KAZN: variants seen among roughly 807,000 people sequenced by gnomAD.
The protein encoded by KAZN is kazrin.
A neutral mutation model predicts 87.4 loss-of-function variants in KAZN; 40 were observed. The ratio of observed to expected loss-of-function variants is 0.46; its 90% CI spans 0.36 to 0.60. The LOEUF is 0.60. Among genes scored for constraint, KAZN ranks in the 20% least tolerant of loss-of-function variants. The pLI is 0.00. For synonymous variants in KAZN, 466 were observed against 458.3 expected, an observed-to-expected ratio of 1.02 and a Z score of -0.22; for missense variants, 898 against 1,073.9, an observed-to-expected ratio of 0.84 and a Z score of 2.29.
intron 2 of KAZN, among the ~76,000 whole-genome samples, chr1:14,300,084 G>T (rs1198717371): frequency 6.6e-6 from 1 of 152,038 alleles, no homozygotes; most frequent in East Asian, 1.9e-4. Context: ...ACGCAAAGGT[G>T]CTGTGGCAGG....
At chr1:15,004,333 G>A (rs976477069) in intron 2 of KAZN, among the ~76,000 whole-genome samples, 3 of 152,144 alleles carry the variant, frequency 2.0e-5, no homozygotes, top group African/African-American at 7.2e-5. Flanking sequence ...AGCTGAGGAC[G>A]CCCGCTGTGC....
rs150514159 is a variant in KAZN at position 14,042,240 on chromosome 1, C to A, written c.92-138195C>A. 8.9e-3 allele frequency among the ~76,000 whole-genome samples: 1,356 copies of A among 152,044 alleles called. 11 individuals are homozygous for A. Among genetic ancestry groups the A allele is most frequent in the Non-Finnish European group, 0.014 (951 of 67,992 alleles). On this transcript the variant is annotated intron_variant, in intron 1 of 16. Coordinates refer to the KAZN transcript ENST00000636203. ...ATAAATTTCTACTCCTTTTACAGAACCTGCTGCTCTTGATTCCAGAACCTT... is the reference window on the plus strand; with the variant it reads ...ATAAATTTCTACTCCTTTTACAGAAACTGCTGCTCTTGATTCCAGAACCTT...
chr1:14,146,296 A>T (rs1294161381), intron 1 of KAZN, among the ~76,000 whole-genome samples: 1 of 151,890 alleles, frequency 6.6e-6, no homozygotes, highest in Non-Finnish European at 1.5e-5. Context: ...GCACTTTGGG[A>T]GGCCGAGGCA....
At position 14,771,387 on chromosome 1, in the gene KAZN, T is replaced by C. The variant is rs548706153; in HGVS notation, c.226+172164T>C. On this transcript the variant is annotated intron_variant, in intron 1 of 14. Transcript: ENST00000376030. ...GCTAATATTTCTAAGATGACAAAAA[T>C]ATTTAATGTGGTGGAGGATGGAAAA... Among the ~76,000 whole-genome samples, 5 of 152,146 alleles carry C rather than the reference T, an allele frequency of 3.3e-5. No individual in the cohort carries two copies. The East Asian group carries it at 5.8e-4, about 18-fold the overall frequency.
chr1:14,988,975 C>T (rs1056452247), intron 2 of KAZN, among the ~76,000 whole-genome samples: 8 of 152,192 alleles, frequency 5.3e-5, no homozygotes, highest in Admixed American at 4.6e-4. Flanking sequence ...GTTTGTCCCT[C>T]GTTGTGCCAC....
intron 2 of KAZN, among the ~76,000 whole-genome samples, chr1:14,378,249 T>C (rs1661073256): frequency 6.6e-6 from 1 of 152,192 alleles, no homozygotes; most frequent in African/African-American, 2.4e-5. Context: ...AAACTTCAAT[T>C]ATTAATTCTT....
In KAZN at chr1:14,598,841, G is replaced by C; in HGVS notation, c.-157G>C. The C allele has an allele frequency of 7.1e-7, 1 of 1,404,816 alleles. No individual in the cohort carries two copies. Among genetic ancestry groups the C allele is most frequent in the South Asian group, 1.7e-5 (1 of 58,924 alleles). 87.0% of individuals were successfully genotyped at this position (1,404,816 alleles called of 1,614,324 possible). On this transcript the variant is annotated 5_prime_UTR_variant, in exon 1 of 15. Transcript: ENST00000376030. The surrounding 1 kb of genome is among the most constrained non-coding windows in gnomAD (Gnocchi z 4.2). ...GAGGCGCCGCTGTCATTCCTGTGCC[G>C]GAGGAACCGGCGCTGCCGGTGCCTG...
At chr1:14,589,036 C>T (rs2148576831) in intron 2 of KAZN, among the ~76,000 whole-genome samples, 1 of 152,254 alleles carries the variant, frequency 6.6e-6, no homozygotes, top group African/African-American at 2.4e-5. Flanking sequence ...ACTTGAGCCC[C>T]TCCCCTTGGT....
At chr1:14,485,363 G>A (rs769741907) in intron 2 of KAZN, among the ~76,000 whole-genome samples, 2 of 152,164 alleles carry the variant, frequency 1.3e-5, no homozygotes, top group Admixed American at 6.5e-5. Flanking sequence ...GAGGTAGGAG[G>A]TGGGACTCAA....
intron 1 of KAZN, among the ~76,000 whole-genome samples, chr1:14,833,199 G>A (rs1040900635): frequency 1.3e-5 from 2 of 152,166 alleles, no homozygotes; most frequent in African/African-American, 4.8e-5. Flanking sequence ...ACCACTCACC[G>A]AGTTGGACCA....
intron 2 of KAZN, among the ~76,000 whole-genome samples, chr1:14,198,361 AG>A (rs1311764053): frequency 1.3e-5 from 2 of 152,178 alleles, no homozygotes; most frequent in East Asian, 3.8e-4. Flanking sequence ...GCACTTTGGG[AG>A]GCTGAGGTGG....
chr1:14,278,570 A>G (rs942184591), intron 2 of KAZN, among the ~76,000 whole-genome samples: 10 of 152,114 alleles, frequency 6.6e-5, no homozygotes, highest in Non-Finnish European at 1.5e-4. Flanking sequence ...GATTACAGGC[A>G]TGAGCCACCG....
At chr1:14,667,861 A>G (rs1050425678) in intron 1 of KAZN, among the ~76,000 whole-genome samples, 4 of 152,190 alleles carry the variant, frequency 2.6e-5, no homozygotes, top group Non-Finnish European at 1.5e-5. Context: ...ATACCATTCT[A>G]TACAACTCGG....
At chr1:14,252,017 G>T (rs1308658911) in intron 2 of KAZN, among the ~76,000 whole-genome samples, 1 of 152,084 alleles carries the variant, frequency 6.6e-6, no homozygotes, top group Non-Finnish European at 1.5e-5. Context: ...AAAGAGGCCA[G>T]GAAAGGGGGA....
chr1:14,453,833 C>A (rs1667416018), intron 2 of KAZN, among the ~76,000 whole-genome samples: 2 of 151,654 alleles, frequency 1.3e-5, no homozygotes, highest in Admixed American at 1.3e-4. Flanking sequence ...AAGACTCTGT[C>A]TCAAAAGAAA....
At chr1:14,416,148 G>A (rs956282809) in intron 2 of KAZN, among the ~76,000 whole-genome samples, 1 of 152,202 alleles carries the variant, frequency 6.6e-6, no homozygotes, top group Non-Finnish European at 1.5e-5. Context: ...TGGGGCTGTA[G>A]TAGCATTTGC....
chr1:14,808,186 G>A (rs1646283282), intron 1 of KAZN, among the ~76,000 whole-genome samples: 1 of 152,110 alleles, frequency 6.6e-6, no homozygotes, highest in Admixed American at 6.5e-5. Context: ...AGCAAAGGCG[G>A]TGTATGTTCT....
intron 2 of KAZN, among the ~76,000 whole-genome samples, chr1:14,420,742 C>T (rs539453846): frequency 6.6e-6 from 1 of 152,256 alleles, no homozygotes; most frequent in South Asian, 2.1e-4. Context: ...AGCTGTTGGC[C>T]CAGGTGCTAA....
chr1:14,880,188 G>A (rs114566513), intron 1 of KAZN, among the ~76,000 whole-genome samples: 4,353 of 152,224 alleles, frequency 0.029, 80 homozygotes, highest in Non-Finnish European at 0.04. Flanking sequence ...GATGATAATG[G>A]CAACTATACT....
Sources: allele counts gnomAD v4.1 joint callset (sites outside exome capture counted in the v4.1 genomes callset), GRCh38; gene constraint gnomAD v4.1.1; non-coding constraint Gnocchi (gnomAD v3.1); transcripts MANE v1.5; gene names NCBI Gene and HGNC (gene_info 2026-07-23, HGNC 2026-07-21).